The following PSMD1 variants were observed in gnomAD, a reference collection of about 807,000 sequenced individuals.
The protein encoded by PSMD1 is proteasome 26S subunit, non-ATPase 1.
PSMD1 carries 18 observed loss-of-function variants against 119.0 expected under a neutral mutation model. That is an observed-to-expected ratio of 0.15 (90% CI 0.10 to 0.22). The LOEUF (loss-of-function observed/expected upper bound fraction) is 0.22, where lower values mean the gene tolerates loss of function less well. Among genes scored for constraint, PSMD1 ranks in the 10% least tolerant of loss-of-function variants. PSMD1 has a pLI of 1.00. For missense variants in PSMD1, 702 were observed against 1,158.5 expected (o/e 0.61, Z 5.72); for synonymous variants, 374 against 396.6 (o/e 0.94, Z 0.68).
intron 16 of PSMD1, chr2:231,123,838 T>C: frequency 8.5e-7 from 1 of 1,171,472 alleles, no homozygotes; most frequent in Non-Finnish European, 1.3e-6. Flanking sequence ...GCTCATCTGT[T>C]TTTTTAAGGC....
chr2:231,077,258 A>G, intron 9 of PSMD1, 96 bp downstream of exon 9: 1 of 939,280 alleles, frequency 1.1e-6, no homozygotes, highest in East Asian at 3.3e-5. Flanking sequence ...TACTTTCTTT[A>G]TTTTATTTCC....
chr2:231,077,968 T>C (rs192767946), intron 9 of PSMD1, among the ~76,000 whole-genome samples: 144 of 152,296 alleles, frequency 9.5e-4, no homozygotes, highest in African/African-American at 3.4e-3. Flanking sequence ...ATAGTCTCAT[T>C]AAAAATAAAC....
At chr2:231,093,336 T>TG (rs1363684634) in intron 16 of PSMD1, among the ~76,000 whole-genome samples, 1 of 152,192 alleles carries the variant, frequency 6.6e-6, no homozygotes, top group African/African-American at 2.4e-5. Context: ...ATGGTGTCTG[T>TG]GTCTGGAGCA....
At chr2:231,160,776 C>T (rs1224200463) in intron 19 of PSMD1, among the ~76,000 whole-genome samples, 1 of 152,194 alleles carries the variant, frequency 6.6e-6, no homozygotes, top group East Asian at 1.9e-4. Context: ...TAGATGTGTG[C>T]TAAATCCAGT....
At chr2:231,104,840 A>C (rs10199752) in intron 16 of PSMD1, among the ~76,000 whole-genome samples, 74,732 of 151,988 alleles carry the variant, frequency 0.49, 21,823 homozygotes, top group African/African-American at 0.81. Flanking sequence ...TCTGTCCTAT[A>C]TCCTAAGACT....
chr2:231,078,616 A>G, intron 9 of PSMD1, 43 bp from the exon 10 acceptor site: 1 of 1,493,890 alleles, frequency 6.7e-7, no homozygotes, highest in South Asian at 1.2e-5. Flanking sequence ...GCATATATGA[A>G]TACTTTGCCA....
intron 10 of PSMD1, 72 bp from the exon 11 acceptor site, chr2:231,079,464 C>T: frequency 1.9e-6 from 2 of 1,039,404 alleles, no homozygotes; most frequent in Non-Finnish European, 2.8e-6. Flanking sequence ...ATGCTTTTAA[C>T]CTTAGAGTTA....
rs533346437 is a variant in PSMD1, at chr2:231,144,730, A to T, written c.1999-1510A>T. Among the ~76,000 whole-genome samples, 16 of 152,238 alleles carry T rather than the reference A, an allele frequency of 1.1e-4. 1 individual carries two copies. In the South Asian group the frequency reaches 3.3e-3, roughly 32 times the overall value. On this transcript the variant is annotated intron_variant, in intron 17 of 24. Coordinates refer to ENST00000308696, the MANE Select transcript of PSMD1 (RefSeq NM_002807.4). ...CGCCCACCCAGCCTGACAGAGGTTG[A>T]ATTATACAAATTTTGGATTCAGACT... is the stretch of plus-strand genomic sequence containing the variant.
At position 231,165,304 on chromosome 2, in the gene PSMD1, G is replaced by T. The variant is rs111407297; in HGVS notation, c.2568+18G>T. 6.3e-7 allele frequency: 1 copy of T among 1,576,964 alleles called. No homozygotes were observed. On this transcript the variant is annotated intron_variant, in intron 22 of 24. Coordinates refer to ENST00000308696, the MANE Select transcript of PSMD1 (RefSeq NM_002807.4). Reference sequence around the variant, plus strand: ...TGGAAGTGGTAGGTATAAATTGGTGGTCATATGGATTGAAGTATCTCTGTC... The same window carrying T: ...TGGAAGTGGTAGGTATAAATTGGTGTTCATATGGATTGAAGTATCTCTGTC...
chr2:231,080,441 A>AT (rs552299853), intron 12 of PSMD1, 127 bp downstream of exon 12: 29,897 of 591,378 alleles, frequency 0.051, 1 homozygote, highest in South Asian at 0.07. Context: ...GTCATCTTGG[A>AT]TTTTTTTTTT....
chr2:231,094,457 C>T (rs1429495009), intron 16 of PSMD1, among the ~76,000 whole-genome samples: 1 of 152,116 alleles, frequency 6.6e-6, no homozygotes, highest in Non-Finnish European at 1.5e-5. Context: ...AAAAAGTGCA[C>T]ACAGGGTGGG....
At position 231,140,998 on chromosome 2, in the gene PSMD1, T is replaced by G. The variant is rs1037446045; in HGVS notation, c.1998+2148T>G. 6.6e-5 allele frequency among the ~76,000 whole-genome samples: 10 copies of G among 151,226 alleles called. 1 individual carries two copies. In the Middle Eastern group the frequency reaches 0.01, roughly 156 times the overall value. ...AGCCTGGGTAACTTGGTGAAACCCC[T>G]TCTCTACTAAAAATACAAAAATTAA... On this transcript the variant is annotated intron_variant, in intron 17 of 24. Coordinates refer to ENST00000308696, the MANE Select transcript of PSMD1 (RefSeq NM_002807.4).
intron 16 of PSMD1, among the ~76,000 whole-genome samples, chr2:231,088,117 G>A (rs1231775155): frequency 6.6e-6 from 1 of 152,162 alleles, no homozygotes; most frequent in Non-Finnish European, 1.5e-5. Context: ...ATACCCATCT[G>A]AGAAGATGTT....
At chr2:231,058,389 C>T (rs1292922799) in intron 1 of PSMD1, among the ~76,000 whole-genome samples, 1 of 152,176 alleles carries the variant, frequency 6.6e-6, no homozygotes, top group Non-Finnish European at 1.5e-5. Context: ...AAACTTTAAT[C>T]ACATAATACT....
In PSMD1 at chr2:231,076,570, C is replaced by T. The variant is rs535121050; in HGVS notation, c.943-464C>T. Among the ~76,000 whole-genome samples the T allele has an allele frequency of 1.0e-3, 153 of 152,098 alleles. 1 individual carries two copies. The highest frequency in any genetic ancestry group is 1.9e-3 in the South Asian group (9 of 4,812). On this transcript the variant is annotated intron_variant, in intron 8 of 24. Transcript: ENST00000308696. ...TAATCCCAGGTACTCGGGAGAATTG[C>T]TTGAGCTTGGGAAGTGGAGGTTGCA...
At chr2:231,078,057 C>G (rs982609542) in intron 9 of PSMD1, among the ~76,000 whole-genome samples, 3 of 152,218 alleles carry the variant, frequency 2.0e-5, no homozygotes, top group Non-Finnish European at 2.9e-5. Context: ...CACCTGAGGT[C>G]AGGAGTTCAA....
At chr2:231,080,004 T>C (rs1240070607) in intron 11 of PSMD1, 137 bp from the exon 12 acceptor site, 3 of 700,332 alleles carry the variant, frequency 4.3e-6, no homozygotes, top group Non-Finnish European at 6.7e-6. Context: ...TATACAATTA[T>C]ATGAGAGAGA....
chr2:231,102,850 G>A (rs770512170), intron 16 of PSMD1, among the ~76,000 whole-genome samples: 3 of 152,134 alleles, frequency 2.0e-5, no homozygotes, highest in Non-Finnish European at 4.4e-5. Flanking sequence ...GATACTGCCT[G>A]TTATAGCTTA....
At chr2:231,126,882 A>G (rs1052473260) in intron 16 of PSMD1, among the ~76,000 whole-genome samples, 1 of 152,098 alleles carries the variant, frequency 6.6e-6, no homozygotes, top group African/African-American at 2.4e-5. Flanking sequence ...AGAAAAAAGC[A>G]AAATAATAAT....
Sources: allele counts gnomAD v4.1 joint callset (sites outside exome capture counted in the v4.1 genomes callset), GRCh38; gene constraint gnomAD v4.1.1; transcripts MANE v1.5; gene names NCBI Gene and HGNC (gene_info 2026-07-23, HGNC 2026-07-21).